The following LRRN4 variants were observed in gnomAD, a reference collection of about 807,000 sequenced individuals.
LRRN4 encodes leucine-rich repeat neuronal protein 4.
A neutral mutation model predicts 22.3 loss-of-function variants in LRRN4; 26 were observed. The observed-to-expected ratio is 1.16, with a 90% CI of 0.85 to 1.62. The LOEUF (loss-of-function observed/expected upper bound fraction) is 1.62. Among genes scored for constraint, LRRN4 ranks in the 40% most tolerant of loss-of-function variants. The probability of loss-of-function intolerance (pLI) is 0.00; values close to 1 mark genes in which losing one functional copy is unlikely to be tolerated. For synonymous variants in LRRN4, 496 were observed against 486.2 expected (o/e 1.02, Z -0.26); for missense variants, 1,070 against 1,008.5 (o/e 1.06, Z -0.83).
Position 6,041,141 on chromosome 20 carries a change from A to G in LRRN4, c.2104T>C (p.Ser702Pro), listed in dbSNP as rs199981644. Residue 702 changes from serine to proline, a missense_variant, in exon 5 of 5, where the codon TCC becomes CCC. By Grantham distance (74) the Ser-to-Pro change is moderately conservative (BLOSUM62 -1). Coordinates refer to ENST00000378858, the MANE Select transcript of LRRN4 (RefSeq NM_152611.5). This position sits in a 1 kb window ranked among gnomAD's most constrained non-coding sequence, Gnocchi z 9.4. ...GLLLASTVVLSACLCRRGQTL... is the reference protein window; with the variant it reads ...GLLLASTVVLPACLCRRGQTL... Reference sequence around the variant, plus strand: ...TGGCCCCGCCTGCAGAGACATGCGGACAGCACCACGGTGCTGGCGAGCAAC... The same window carrying G: ...TGGCCCCGCCTGCAGAGACATGCGGGCAGCACCACGGTGCTGGCGAGCAAC... 1.3e-5 allele frequency: 21 copies of G among 1,609,242 alleles called. No homozygotes were observed. Among genetic ancestry groups the G allele is most frequent in the Non-Finnish European group, 1.7e-5 (20 of 1,177,900 alleles).
Position 6,052,234 on chromosome 20 carries a change from C to T in LRRN4, c.566G>A (p.Gly189Asp), listed in dbSNP as rs747126465. Reference protein sequence around the residue: ...CTALGRGAQGGIAEAAFAGED... With the variant: ...CTALGRGAQGDIAEAAFAGED... ...TCCAGCGAACGCCGCCTCGGCGATG[C>T]CCCCCTGGGCTCCGCGACCCAGCGC... Residue 189 changes from glycine to aspartate, a missense_variant, in exon 2 of 5, where the codon GGC becomes GAC. Coordinates refer to ENST00000378858, the MANE Select transcript of LRRN4 (RefSeq NM_152611.5). 1.8e-5 allele frequency: 28 copies of T among 1,569,906 alleles called. No homozygotes were observed. In the Middle Eastern group the frequency reaches 6.7e-4, roughly 38 times the overall value.
At chr20:6,042,545 GAGA>G (rs1357097551) in intron 4 of LRRN4, among the ~76,000 whole-genome samples, 1 of 152,204 alleles carries the variant, frequency 6.6e-6, no homozygotes, top group Admixed American at 6.5e-5. Context: ...GGCAAGCACT[GAGA>G]AGGAGTCCAG....
chr20:6,042,177 G>T lies in LRRN4; in HGVS notation c.1068C>A (p.Ser356=). 2 of 1,614,124 alleles carry T rather than the reference G, an allele frequency of 1.2e-6. No homozygotes were observed. The highest frequency in any genetic ancestry group is 1.7e-6 in the Non-Finnish European group (2 of 1,179,996). The change falls in exon 5 of 5, where the codon TCC becomes TCA. Residue 356 remains serine, a synonymous_variant. Transcript: ENST00000378858. Reference sequence around the variant, plus strand: ...CGGACTGGCACACTCCGGGCAGCTGGGAGAGTGACAGGGAGGCTGAGAAGG... The same window carrying T: ...CGGACTGGCACACTCCGGGCAGCTGTGAGAGTGACAGGGAGGCTGAGAAGG... ...SGPFSASLSL[S]QLPGVCQSDQ... is the part of the protein sequence containing the mutation.
intron 4 of LRRN4, among the ~76,000 whole-genome samples, chr20:6,042,489 T>A (rs1330318110): frequency 6.6e-6 from 1 of 152,158 alleles, no homozygotes; most frequent in African/African-American, 2.4e-5. Context: ...AAGGAGGAAC[T>A]AATTGCCCAA....
At chr20:6,050,246 G>A (rs1175463678) in intron 3 of LRRN4, among the ~76,000 whole-genome samples, 2 of 152,252 alleles carry the variant, frequency 1.3e-5, no homozygotes, top group Non-Finnish European at 2.9e-5. Flanking sequence ...CAGAATGAGT[G>A]AATGGTTCTG....
chr20:6,050,683 G>A, intron 3 of LRRN4, 96 bp downstream of exon 3: 2 of 1,194,450 alleles, frequency 1.7e-6, no homozygotes, highest in Non-Finnish European at 2.5e-6. Context: ...AGAGTAGTGG[G>A]AGAAAAATTA....
At position 6,041,182 on chromosome 20, in the gene LRRN4, C is replaced by G; in HGVS notation, c.2063G>C (p.Cys688Ser). The part of the protein sequence containing the change: ...PSFALLLSGL[C>S]AASGLLLAST... The stretch of plus-strand genomic sequence containing the variant: ...GGCGAGCAACAGGCCGCTGGCGGCG[C>G]ACAGCCCAGAGAGCAGGAGCGCGAA... The change falls in exon 5 of 5, where the codon TGC becomes TCC. Residue 688 changes from cysteine (C) to serine (S), a missense_variant. Transcript: ENST00000378858. The surrounding 1 kb of genome is among the most constrained non-coding windows in gnomAD (Gnocchi z 9.4). The G allele has an allele frequency of 1.3e-6, 2 of 1,598,390 alleles. No individual in the cohort carries two copies. The highest frequency in any genetic ancestry group is 1.7e-6 in the Non-Finnish European group (2 of 1,172,094).
intron 4 of LRRN4, among the ~76,000 whole-genome samples, chr20:6,043,535 T>G (rs1300980573): frequency 6.6e-6 from 1 of 152,148 alleles, no homozygotes; most frequent in African/African-American, 2.4e-5. Context: ...AGGGCCCAGG[T>G]GCTTCTCTTT....
At position 6,052,342 on chromosome 20, in the gene LRRN4, A is replaced by C; in HGVS notation, c.458T>G (p.Leu153Arg). 6.6e-7 allele frequency: 1 copy of C among 1,506,950 alleles called. No individual in the cohort carries two copies. The highest frequency in any genetic ancestry group is 2.6e-5 in the East Asian group (1 of 37,912). 93.3% of individuals were successfully genotyped at this position (1,506,950 alleles called of 1,614,324 possible). The change falls in exon 2 of 5, where the codon CTC becomes CGC. Residue 153 changes from leucine to arginine, a missense_variant. Transcript: ENST00000378858. ...CAGCGCCCGCAGCGGATTCCCGGCG[A>C]GCGCCAGGGCGCGGAGGCTGCTCAG... ...PALSSLRALALAGNPLRALQP... is the reference protein window; with the variant it reads ...PALSSLRALARAGNPLRALQP...
In LRRN4 at chr20:6,052,597, C is replaced by A. The variant is rs1345487727; in HGVS notation, c.203G>T (p.Arg68Leu). The A allele has an allele frequency of 3.2e-6, 5 of 1,585,750 alleles. No individual in the cohort carries two copies. Among genetic ancestry groups the A allele is most frequent in the African/African-American group, 2.7e-5 (2 of 74,662 alleles). Residue 68 changes from arginine (R) to leucine (L), a missense_variant, in exon 2 of 5, where the codon CGC (arginine) becomes CTC (leucine). Coordinates refer to ENST00000378858, the MANE Select transcript of LRRN4 (RefSeq NM_152611.5). ...ALTLANRNLERLPGCLPRTLR... is the reference protein window; with the variant it reads ...ALTLANRNLELLPGCLPRTLR... ...TGTGCGCGGTAGGCAGCCGGGCAGG[C>A]GCTCCAGGTTGCGGTTCGCCAGGGT...
chr20:6,042,354 G>A (rs1210172286), intron 4 of LRRN4, 108 bp from the exon 5 acceptor site: 10 of 1,303,616 alleles, frequency 7.7e-6, no homozygotes, highest in Admixed American at 2.7e-5. Context: ...CCATCAACGC[G>A]TCTCTGCCAG....
chr20:6,040,580 G>A lies in LRRN4; in HGVS notation c.*442C>T, dbSNP rs934737761. Among the ~76,000 whole-genome samples the A allele has an allele frequency of 6.6e-6, 1 of 152,214 alleles. No individual in the cohort carries two copies. The highest frequency in any genetic ancestry group is 2.4e-5 in the African/African-American group (1 of 41,452). On this transcript the variant is annotated 3_prime_UTR_variant, in exon 5 of 5. Coordinates refer to ENST00000378858, the MANE Select transcript of LRRN4 (RefSeq NM_152611.5). The stretch of plus-strand genomic sequence containing the variant: ...ATTGATTTCTTGAATAACAGAGCTC[G>A]TTGTGTCTTAGAGCTTGACCATGAA...
rs367911236 is a variant in LRRN4, at chr20:6,041,733, G to A, written c.1512C>T (p.His504=). 82 of 1,613,670 alleles carry A rather than the reference G, an allele frequency of 5.1e-5. No individual in the cohort carries two copies. Among genetic ancestry groups the A allele is most frequent in the Non-Finnish European group, 6.7e-5 (79 of 1,179,852 alleles). ...TCGGGTTGGGGGCTTGGGGTGTGGCGTGTGTCCTCTGGCCGGGCTGAGGCG... is the reference window on the plus strand; with the variant it reads ...TCGGGTTGGGGGCTTGGGGTGTGGCATGTGTCCTCTGGCCGGGCTGAGGCG... ...ISSPQPGQRT[H]ATPQAPNPSL... Residue 504 remains histidine (H), a synonymous_variant, in exon 5 of 5, where the codon CAC becomes CAT. Transcript: ENST00000378858. The surrounding 1 kb of genome is among the most constrained non-coding windows in gnomAD (Gnocchi z 9.4).
At chr20:6,053,723 G>C (rs919399869) in intron 1 of LRRN4, 107 bp downstream of exon 1, 1 of 152,292 alleles carries the variant, frequency 6.6e-6, no homozygotes, top group East Asian at 1.9e-4. Context: ...CACCACCCAG[G>C]CTCCAGGGGA....
rs764164700 is a variant in LRRN4 at position 6,052,752 on chromosome 20, G to A, written c.48C>T (p.Ser16=). 6.4e-7 allele frequency: 1 copy of A among 1,574,528 alleles called. No homozygotes were observed. The highest frequency in any genetic ancestry group is 8.6e-7 in the Non-Finnish European group (1 of 1,167,896). The change falls in exon 2 of 5, where the codon AGC becomes AGT. Residue 16 remains serine, a synonymous_variant. Coordinates refer to ENST00000378858, the MANE Select transcript of LRRN4 (RefSeq NM_152611.5). ...PLLLLTVLRP[S]WADPPQEKVP... is the part of the protein sequence containing the mutation. ...CCTTCTCCTGGGGAGGGTCTGCCCA[G>A]CTGGGGCGCAGCACCGTCAGCAGCA...
At position 6,041,988 on chromosome 20, in the gene LRRN4, T is replaced by G; in HGVS notation, c.1257A>C (p.Ala419=). The change falls in exon 5 of 5, where the codon GCA becomes GCC. Residue 419 remains alanine (A), a synonymous_variant. Transcript: ENST00000378858. This position sits in a 1 kb window ranked among gnomAD's most constrained non-coding sequence, Gnocchi z 9.4. The part of the protein sequence containing the change: ...APNVGSRTIA[A]WPHSDAREGT... Reference sequence around the variant, plus strand: ...CCTCCCGTGCATCGCTGTGCGGCCATGCAGCTATCGTGCGAGAGCCCACGT... The same window carrying G: ...CCTCCCGTGCATCGCTGTGCGGCCAGGCAGCTATCGTGCGAGAGCCCACGT... 6.2e-7 allele frequency: 1 copy of G among 1,614,084 alleles called. No homozygotes were observed. Among genetic ancestry groups the G allele is most frequent in the Non-Finnish European group, 8.5e-7 (1 of 1,180,016 alleles).
Position 6,052,354 on chromosome 20 carries a change from C to A in LRRN4, c.446G>T (p.Arg149Leu). Residue 149 changes from arginine to leucine, a missense_variant, in exon 2 of 5, where the codon CGC becomes CTC. Coordinates refer to ENST00000378858, the MANE Select transcript of LRRN4 (RefSeq NM_152611.5). ...PCTGPALSSL[R>L]ALALAGNPLR... ...CGGATTCCCGGCGAGCGCCAGGGCG[C>A]GGAGGCTGCTCAGCGCGGGCCCGGT... The A allele has an allele frequency of 6.6e-7, 1 of 1,509,206 alleles. No individual in the cohort carries two copies. Among genetic ancestry groups the A allele is most frequent in the Non-Finnish European group, 8.8e-7 (1 of 1,137,658 alleles). 93.5% of individuals were successfully genotyped at this position (1,509,206 alleles called of 1,614,324 possible).
chr20:6,052,191 C>G lies in LRRN4; in HGVS notation c.609G>C (p.Leu203=). 6.3e-7 allele frequency: 1 copy of G among 1,597,066 alleles called. No individual in the cohort carries two copies. Among genetic ancestry groups the G allele is most frequent in the Non-Finnish European group, 8.5e-7 (1 of 1,172,900 alleles). Residue 203 remains leucine, a synonymous_variant, in exon 2 of 5, where the codon CTG becomes CTC. Transcript: ENST00000378858. The stretch of plus-strand genomic sequence containing the variant: ...TGAGATCCAGGACTTCGAGCGTGAC[C>G]AGGGGCGCGCCATCCTCTCCAGCGA... ...AAFAGEDGAP[L]VTLEVLDLSG... is the part of the protein sequence containing the mutation.
chr20:6,042,903 A>G (rs1309794477), intron 4 of LRRN4, among the ~76,000 whole-genome samples: 1 of 131,006 alleles, frequency 7.6e-6, no homozygotes, highest in Non-Finnish European at 1.6e-5. Context: ...TGGGCAACAG[A>G]GGGAGACTCT....
Sources: gnomAD v4.1 joint callset for allele counts (sites outside exome capture counted in the v4.1 genomes callset) on GRCh38, gnomAD v4.1.1 for gene constraint, Gnocchi (gnomAD v3.1) non-coding constraint, MANE v1.5 for transcripts, NCBI Gene and HGNC (gene_info 2026-07-23, HGNC 2026-07-21) for gene names.